The following GADL1 variants were observed in gnomAD, a reference collection of about 807,000 sequenced individuals.
GADL1 encodes acidic amino acid decarboxylase GADL1.
GADL1 carries 71 observed loss-of-function variants against 69.5 expected under a neutral mutation model. The ratio of observed to expected loss-of-function variants is 1.02; its 90% CI spans 0.84 to 1.25. GADL1 has a LOEUF of 1.25. GADL1 is among the 50% of genes most tolerant of loss of function. The pLI is 0.00. For synonymous variants in GADL1, 254 were observed against 214.4 expected (o/e 1.18, Z -1.62); for missense variants, 737 against 631.8 (o/e 1.17, Z -1.79).
intron 8 of GADL1, among the ~76,000 whole-genome samples, chr3:30,843,743 G>A (rs924793399): frequency 6.6e-5 from 10 of 152,172 alleles, no homozygotes; most frequent in African/African-American, 2.4e-4. Context: ...GTAATAGATG[G>A]GTTTGGGATT....
At position 30,727,627 on chromosome 3, in the gene GADL1, C is replaced by T. The variant is rs1695389446; in HGVS notation, c.*615G>A. 1 of 152,206 alleles carries T rather than the reference C, an allele frequency of 6.6e-6. No homozygotes were observed. Among genetic ancestry groups the T allele is most frequent in the South Asian group, 2.1e-4 (1 of 4,828 alleles). 9.4% of individuals were successfully genotyped at this position (152,206 alleles called of 1,614,324 possible). On this transcript the variant is annotated 3_prime_UTR_variant, in exon 15 of 15. Coordinates refer to ENST00000282538, the MANE Select transcript of GADL1 (RefSeq NM_207359.3). ...ATAGTTGTATTTTTTCAAAGACTGG[C>T]TCAGAGGCTTCTGAAATATTAGATA...
chr3:30,760,405 ACTC>A (rs539682280), intron 14 of GADL1, among the ~76,000 whole-genome samples: 1 of 152,230 alleles, frequency 6.6e-6, no homozygotes, highest in East Asian at 1.9e-4. Context: ...ACTCTGTGAA[ACTC>A]CTAAATTCTG....
At chr3:30,883,641 A>T (rs973115518) in intron 1 of GADL1, among the ~76,000 whole-genome samples, 1 of 152,008 alleles carries the variant, frequency 6.6e-6, no homozygotes, top group Middle Eastern at 3.2e-3. Flanking sequence ...TTGAAATGCC[A>T]TGTGAATTTA....
chr3:30,782,313 T>TA (rs1055789600), intron 13 of GADL1, among the ~76,000 whole-genome samples: 50 of 152,238 alleles, frequency 3.3e-4, no homozygotes, highest in African/African-American at 1.1e-3. Context: ...TAGCAGACAG[T>TA]ACCTAGATAG....
chr3:30,755,937 T>C (rs1695959137), intron 14 of GADL1, among the ~76,000 whole-genome samples: 1 of 152,078 alleles, frequency 6.6e-6, no homozygotes, highest in Admixed American at 6.6e-5. Flanking sequence ...TCCCTGGTGG[T>C]AGACTCCCAC....
chr3:30,800,702 TGAGAAAATGTGTATTG>T, intron 12 of GADL1, 171 bp downstream of exon 12: 1 of 605,064 alleles, frequency 1.7e-6, no homozygotes, highest in East Asian at 2.8e-5. Flanking sequence ...TAGTAGGTAC[TGAGAAAATGTGTATTG>T]GATGAAATAA....
chr3:30,770,062 T>C (rs560604725), intron 14 of GADL1, among the ~76,000 whole-genome samples: 1 of 152,234 alleles, frequency 6.6e-6, no homozygotes, highest in Non-Finnish European at 1.5e-5. Flanking sequence ...CTGGCCTGCA[T>C]TCCTGCATGG....
chr3:30,816,550 T>TTTTC (rs1697476132), intron 11 of GADL1, among the ~76,000 whole-genome samples: 3 of 84,642 alleles, frequency 3.5e-5, no homozygotes, highest in Admixed American at 1.1e-4. Flanking sequence ...TTTTTTTTTT[T>TTTTC]TTTTTTTTTT....
chr3:30,740,957 T>TTATTATATATTATATATTTATA (rs1695609191), intron 14 of GADL1, among the ~76,000 whole-genome samples: 1 of 124,190 alleles, frequency 8.1e-6, no homozygotes, highest in African/African-American at 3.9e-5. Flanking sequence ...TCAAATATAT[T>TTATTATATATTATATATTTATA]TATTATATAT....
chr3:30,775,991 T>TG (rs1313281771), intron 14 of GADL1, among the ~76,000 whole-genome samples: 4 of 151,990 alleles, frequency 2.6e-5, no homozygotes, highest in South Asian at 4.1e-4. Flanking sequence ...AGACTAGGGA[T>TG]GTGGGAATCG....
At chr3:30,762,896 A>C (rs970961685) in intron 14 of GADL1, among the ~76,000 whole-genome samples, 26 of 152,154 alleles carry the variant, frequency 1.7e-4, no homozygotes, top group African/African-American at 6.3e-4. Context: ...CAGTTCATCC[A>C]TGTTTCAAAT....
chr3:30,801,118 T>A (rs1405596616), intron 11 of GADL1, 30 bp from the exon 12 acceptor site: 3 of 1,541,590 alleles, frequency 1.9e-6, no homozygotes, highest in Non-Finnish European at 2.7e-6. Flanking sequence ...ACAAGACTGT[T>A]AAACTTTAGA....
chr3:30,778,216 A>ATC lies in GADL1; in HGVS notation c.1353_1354dup (p.Met452ArgfsTer23). ...TGCCCAGAACTCGGGTCCTTCTTCC[A>ATC]TCTCTCTGAGGCTCGGTGGAATGTA... On this transcript the variant is annotated frameshift_variant, in exon 14 of 15. Transcript: ENST00000282538. LOFTEE classifies it high-confidence loss of function. The ATC allele has an allele frequency of 6.2e-7, 1 of 1,612,686 alleles. No individual in the cohort carries two copies. The highest frequency in any genetic ancestry group is 1.1e-5 in the South Asian group (1 of 91,026).
At chr3:30,852,402 C>T (rs1193205206) in intron 4 of GADL1, among the ~76,000 whole-genome samples, 2 of 152,064 alleles carry the variant, frequency 1.3e-5, no homozygotes, top group Non-Finnish European at 2.9e-5. Context: ...ATCCCAGCTA[C>T]TCAGGAGACT....
At chr3:30,736,076 T>C (rs1192243774) in intron 14 of GADL1, among the ~76,000 whole-genome samples, 1 of 152,184 alleles carries the variant, frequency 6.6e-6, no homozygotes, top group Non-Finnish European at 1.5e-5. Context: ...TTGAATTCCA[T>C]GCTCTCAATG....
At chr3:30,742,524 A>G (rs1218208771) in intron 14 of GADL1, among the ~76,000 whole-genome samples, 1 of 152,084 alleles carries the variant, frequency 6.6e-6, no homozygotes, top group African/African-American at 2.4e-5. Flanking sequence ...TGATATTCTT[A>G]GGTTTTATAG....
chr3:30,788,050 G>A (rs1020917383), intron 12 of GADL1, among the ~76,000 whole-genome samples: 4 of 152,156 alleles, frequency 2.6e-5, no homozygotes, highest in East Asian at 1.9e-4. Context: ...ACATGGGCAC[G>A]TATGCTCACA....
At chr3:30,751,655 C>T (rs914423381) in intron 14 of GADL1, among the ~76,000 whole-genome samples, 1 of 152,110 alleles carries the variant, frequency 6.6e-6, no homozygotes, top group Non-Finnish European at 1.5e-5. Flanking sequence ...GAGGAATTAT[C>T]TCCCTATAAG....
intron 4 of GADL1, among the ~76,000 whole-genome samples, chr3:30,851,635 G>A (rs1698148254): frequency 6.7e-6 from 1 of 148,700 alleles, no homozygotes; most frequent in African/African-American, 2.6e-5. Context: ...CATTCTTGTG[G>A]TGGTCTACAC....
Sources: gnomAD v4.1 joint callset for allele counts (sites outside exome capture counted in the v4.1 genomes callset) on GRCh38, gnomAD v4.1.1 for gene constraint, MANE v1.5 for transcripts, NCBI Gene and HGNC (gene_info 2026-07-23, HGNC 2026-07-21) for gene names.